ZMIZ2: variants seen among roughly 807,000 people sequenced by gnomAD.
ZMIZ2 encodes the protein zinc finger MIZ-type containing 2, also known as zinc finger MIZ domain-containing protein 2.
In ZMIZ2, 26 loss-of-function variants were observed where a neutral mutation model predicts 93.9. The observed-to-expected ratio is 0.28, with a 90% CI of 0.20 to 0.38. ZMIZ2 has a LOEUF of 0.38. Among genes scored for constraint, ZMIZ2 ranks in the 10% least tolerant of loss-of-function variants. The pLI is 1.00. For synonymous variants in ZMIZ2, 485 were observed against 516.4 expected (o/e 0.94, Z 0.82); for missense variants, 1,023 against 1,235.0 (o/e 0.83, Z 2.57).
chr7:44,756,829 T>C, intron 3 of ZMIZ2, 118 bp from the exon 4 acceptor site: 2 of 1,260,842 alleles, frequency 1.6e-6, no homozygotes, highest in Non-Finnish European at 2.3e-6. Context: ...CTATACCCTG[T>C]CCCCCCCACC....
Position 44,765,536 on chromosome 7 carries a change from G to A in ZMIZ2, c.2199G>A (p.Leu733=). ...LGPGAAPFAP[L]QPPSVPAPSD... is the part of the protein sequence containing the mutation. Reference sequence around the variant, plus strand: ...CCGGCGCTGCCCCCTTTGCCCCCCTGCAGCCCCCCTCAGTCCCTGCCCCCA... The same window carrying A: ...CCGGCGCTGCCCCCTTTGCCCCCCTACAGCCCCCCTCAGTCCCTGCCCCCA... The change falls in exon 16 of 19, where the codon CTG becomes CTA. Residue 733 remains leucine (L), a synonymous_variant. Coordinates refer to ENST00000309315, the MANE Select transcript of ZMIZ2 (RefSeq NM_031449.4). This position sits in a 1 kb window ranked among gnomAD's most constrained non-coding sequence, Gnocchi z 4.1. 1 of 1,534,392 alleles carries A rather than the reference G, an allele frequency of 6.5e-7. No individual in the cohort carries two copies. Among genetic ancestry groups the A allele is most frequent in the Non-Finnish European group, 8.7e-7 (1 of 1,155,810 alleles).
At chr7:44,755,826 G>A (rs574762236) in intron 1 of ZMIZ2, among the ~76,000 whole-genome samples, 4 of 152,276 alleles carry the variant, frequency 2.6e-5, no homozygotes, top group East Asian at 1.9e-4. Context: ...CAGTTTCCAC[G>A]GGGTAGCTAG....
intron 4 of ZMIZ2, 80 bp from the exon 5 acceptor site, chr7:44,757,298 G>T: frequency 6.5e-7 from 1 of 1,544,038 alleles, no homozygotes; most frequent in Non-Finnish European, 8.7e-7. Context: ...CCCCCTGGGT[G>T]CTGCATGCCT....
chr7:44,760,584 T>C lies in ZMIZ2; in HGVS notation c.1231T>C (p.Ser411Pro). 6.2e-7 allele frequency: 1 copy of C among 1,613,724 alleles called. No homozygotes were observed. The highest frequency in any genetic ancestry group is 1.7e-4 in the Middle Eastern group (1 of 6,060). Reference sequence around the variant, plus strand: ...GCCCAACCTCAACTCCTTGCACTCATCGCCCTCTGGTAAGTCTGTCCACTC... The same window carrying C: ...GCCCAACCTCAACTCCTTGCACTCACCGCCCTCTGGTAAGTCTGTCCACTC... ...LKPNLNSLHS[S>P]PSGSGPCDEL... The change falls in exon 9 of 19, where the codon TCG (serine) becomes CCG (proline). Residue 411 changes from serine to proline, a missense_variant. Around this residue, in one of 3 missense-constraint regions of ZMIZ2, gnomAD observed 656 missense variants for 777.1 expected, o/e 0.84. Transcript: ENST00000309315.
Position 44,766,089 on chromosome 7 carries a change from C to T in ZMIZ2, c.2243-75C>T. On this transcript the variant is annotated intron_variant, in intron 16 of 18. Transcript: ENST00000309315. This position sits in a 1 kb window ranked among gnomAD's most constrained non-coding sequence, Gnocchi z 4.4. Reference sequence around the variant, plus strand: ...CTGCAAGTCCCACCCATGCCACAGCCAGCCTCCCTCCTGGCTCCTCTGCCA... The same window carrying T: ...CTGCAAGTCCCACCCATGCCACAGCTAGCCTCCCTCCTGGCTCCTCTGCCA... 6.6e-7 allele frequency: 1 copy of T among 1,507,250 alleles called. No individual in the cohort carries two copies. Among genetic ancestry groups the T allele is most frequent in the Non-Finnish European group, 8.8e-7 (1 of 1,134,288 alleles). The allele number at this position is 1,507,250 out of a possible 1,614,324, so 93.4% of individuals were successfully genotyped here.
upstream of ZMIZ2, chr7:44,748,642 G>A (rs1236133837): frequency 6.6e-6 from 1 of 151,778 alleles, no homozygotes; most frequent in Non-Finnish European, 1.5e-5. Flanking sequence ...GTGTGGAGGG[G>A]GCTGGGGGCG....
intron 1 of ZMIZ2, among the ~76,000 whole-genome samples, chr7:44,751,977 AAATT>A (rs1238568021): frequency 6.6e-6 from 1 of 152,122 alleles, no homozygotes; most frequent in African/African-American, 2.4e-5. Flanking sequence ...GAAAAAAAAA[AAATT>A]AAAGATTCAT....
rs534940212 is a variant in ZMIZ2 at position 44,768,556 on chromosome 7, A to G, written c.*933A>G. On this transcript the variant is annotated 3_prime_UTR_variant, in exon 19 of 19. Transcript: ENST00000309315. ...AAAGCCACCTCTCTGTCTCCACCCCATGGGCCCACACCCAGGTGGGGGAGG... is the reference window on the plus strand; with the variant it reads ...AAAGCCACCTCTCTGTCTCCACCCCGTGGGCCCACACCCAGGTGGGGGAGG... 6 of 152,386 alleles carry G rather than the reference A, an allele frequency of 3.9e-5. No homozygotes were observed. In the East Asian group the frequency reaches 1.2e-3, roughly 29 times the overall value. 9.4% of individuals were successfully genotyped at this position (152,386 alleles called of 1,614,324 possible).
rs1423003416 is a variant in ZMIZ2, at chr7:44,767,682, C to T, written c.*59C>T. 4 of 1,472,398 alleles carry T rather than the reference C, an allele frequency of 2.7e-6. No individual in the cohort carries two copies. In the Admixed American group the frequency reaches 6.8e-5, roughly 25 times the overall value. 91.2% of individuals were successfully genotyped at this position (1,472,398 alleles called of 1,614,324 possible). On this transcript the variant is annotated 3_prime_UTR_variant, in exon 19 of 19. Transcript: ENST00000309315. ...CTCACAGATGTCACCACAGCCCTGC[C>T]CTTCATGCCCAGCCCCATGGGACAC...
At chr7:44,748,796 G>A (rs924338530), upstream of ZMIZ2, 1 of 151,524 alleles carries the variant, frequency 6.6e-6, no homozygotes, top group Admixed American at 6.6e-5. Context: ...TGGGAGGCGG[G>A]GCCGGCTGCG....
rs1434138286 is a variant in ZMIZ2, at chr7:44,765,323, G to A, written c.1998-12G>A. 6.2e-7 allele frequency: 1 copy of A among 1,611,986 alleles called. No individual in the cohort carries two copies. Among genetic ancestry groups the A allele is most frequent in the Non-Finnish European group, 8.5e-7 (1 of 1,179,202 alleles). On this transcript the variant is annotated splice_polypyrimidine_tract_variant and intron_variant, in intron 15 of 18. Coordinates refer to ENST00000309315, the MANE Select transcript of ZMIZ2 (RefSeq NM_031449.4). This position sits in a 1 kb window ranked among gnomAD's most constrained non-coding sequence, Gnocchi z 4.1. ...GCCAGGAGGTAACCATTCCCCACCT[G>A]TCCCTGCCCAGCTCTGACTATGAGG...
rs1265532202 is a variant in ZMIZ2 at position 44,762,886 on chromosome 7, C to T, written c.1602C>T (p.His534=). ...QITVTACCCS[H]LFVLQLVHRP... ...ATCCTCCCGTTGTATTGCAGTCCCA[C>T]CTCTTCGTGCTGCAGCTAGTGCACC... Residue 534 remains histidine (H), a synonymous_variant, in exon 12 of 19, where the codon CAC becomes CAT. Coordinates refer to ENST00000309315, the MANE Select transcript of ZMIZ2 (RefSeq NM_031449.4). The T allele has an allele frequency of 3.7e-6, 6 of 1,608,146 alleles. No homozygotes were observed. The Admixed American group carries it at 8.4e-5, about 23-fold the overall frequency.
chr7:44,757,372 C>A lies in ZMIZ2; in HGVS notation c.369-6C>A. On this transcript the variant is annotated splice_region_variant and splice_polypyrimidine_tract_variant and intron_variant, in intron 4 of 18. Coordinates refer to ENST00000309315, the MANE Select transcript of ZMIZ2 (RefSeq NM_031449.4). Reference sequence around the variant, plus strand: ...AGAGAGCGTGGCAATCCTGTGTCTCCTGCAGGTATGCAGGCGGCCCGGGGG... The same window carrying A: ...AGAGAGCGTGGCAATCCTGTGTCTCATGCAGGTATGCAGGCGGCCCGGGGG... 6.3e-7 allele frequency: 1 copy of A among 1,598,502 alleles called. No individual in the cohort carries two copies. The highest frequency in any genetic ancestry group is 8.5e-7 in the Non-Finnish European group (1 of 1,178,504).
intron 3 of ZMIZ2, 188 bp from the exon 4 acceptor site, chr7:44,756,759 C>G (rs1421235147): frequency 2.5e-6 from 2 of 815,384 alleles, no homozygotes; most frequent in Admixed American, 5.4e-5. Context: ...CCTGTCTTCA[C>G]CTAGCCTTCA....
In ZMIZ2 at chr7:44,763,540, G is replaced by T; in HGVS notation, c.1860+127G>T. Reference sequence around the variant, plus strand: ...CTTGGCTGTCAGGCTGACAGGACAGGCCTCCCACGCCAAGGAGGCAGGTGG... The same window carrying T: ...CTTGGCTGTCAGGCTGACAGGACAGTCCTCCCACGCCAAGGAGGCAGGTGG... On this transcript the variant is annotated intron_variant, in intron 13 of 18. Transcript: ENST00000309315. This position sits in a 1 kb window ranked among gnomAD's most constrained non-coding sequence, Gnocchi z 5.6. 1 of 1,331,724 alleles carries T rather than the reference G, an allele frequency of 7.5e-7. No homozygotes were observed. The highest frequency in any genetic ancestry group is 1.0e-6 in the Non-Finnish European group (1 of 984,408). The allele number at this position is 1,331,724 out of a possible 1,614,324, so 82.5% of individuals were successfully genotyped here.
At chr7:44,762,245 A>C (rs1338668179) in intron 11 of ZMIZ2, among the ~76,000 whole-genome samples, 1 of 152,240 alleles carries the variant, frequency 6.6e-6, no homozygotes, top group Non-Finnish European at 1.5e-5. Context: ...TAAGAAAGCG[A>C]TCCAGTAATA....
At position 44,764,396 on chromosome 7, in the gene ZMIZ2, ACTTT is replaced by A. The variant is rs772909935; in HGVS notation, c.1861-19_1861-16del. The stretch of plus-strand genomic sequence containing the variant: ...CTGTGCTACCCACAATGAGAAACTG[ACTTT>A]CTTCCCATCTCTCTACAGTGCTTTG... On this transcript the variant is annotated intron_variant, in intron 13 of 18. Transcript: ENST00000309315. 1 of 1,612,996 alleles carries A rather than the reference ACTTT, an allele frequency of 6.2e-7. No individual in the cohort carries two copies. The highest frequency in any genetic ancestry group is 8.5e-7 in the Non-Finnish European group (1 of 1,179,298).
At chr7:44,750,651 C>T (rs1028163945) in intron 1 of ZMIZ2, among the ~76,000 whole-genome samples, 3 of 152,132 alleles carry the variant, frequency 2.0e-5, no homozygotes, top group Admixed American at 6.5e-5. Flanking sequence ...CTTGGGGGTG[C>T]AGCTACTCTG....
At chr7:44,762,647 G>A (rs757725054) in intron 11 of ZMIZ2, among the ~76,000 whole-genome samples, 4 of 152,238 alleles carry the variant, frequency 2.6e-5, no homozygotes, top group East Asian at 1.9e-4. Flanking sequence ...CAGCACAGCT[G>A]TAGAGATGGA....
Sources: allele counts gnomAD v4.1 joint callset (sites outside exome capture counted in the v4.1 genomes callset), GRCh38; gene constraint gnomAD v4.1.1; regional missense constraint gnomAD v4.1.1; non-coding constraint Gnocchi (gnomAD v3.1); transcripts MANE v1.5; gene names NCBI Gene and HGNC (gene_info 2026-07-23, HGNC 2026-07-21).